Variants in VAV3 observed in about 807,000 individuals in gnomAD.
The protein encoded by VAV3 is guanine nucleotide exchange factor VAV3.
In VAV3, 94 loss-of-function variants were observed where a neutral mutation model predicts 131.2. The observed-to-expected ratio is 0.72, with a 90% CI of 0.61 to 0.85. VAV3 has a LOEUF of 0.85. Ranked by LOEUF, VAV3 falls within the 40% of genes least tolerant of loss-of-function variation. The pLI, the probability that VAV3 is intolerant of heterozygous loss-of-function variation, is 0.00. For synonymous variants in VAV3, 349 were observed against 342.0 expected (o/e 1.02, Z -0.22); for missense variants, 939 against 1,002.7 (o/e 0.94, Z 0.86).
At chr1:107,692,343 C>A (rs556436442) in intron 17 of VAV3, among the ~76,000 whole-genome samples, 30 of 152,164 alleles carry the variant, frequency 2.0e-4, no homozygotes, top group Admixed American at 2.6e-4. Flanking sequence ...AGGAATACAA[C>A]CATATAATAG....
At chr1:107,761,384 C>A (rs1664412438) in intron 9 of VAV3, among the ~76,000 whole-genome samples, 2 of 128,654 alleles carry the variant, frequency 1.6e-5, no homozygotes, top group African/African-American at 3.0e-5. Context: ...CAGAGTGAGA[C>A]TCCGTCTCAA....
At chr1:107,930,767 C>T (rs1673394459) in intron 1 of VAV3, among the ~76,000 whole-genome samples, 1 of 152,156 alleles carries the variant, frequency 6.6e-6, no homozygotes, top group Admixed American at 6.5e-5. Flanking sequence ...ACCCACCGAT[C>T]AATCTTAGCA....
intron 21 of VAV3, among the ~76,000 whole-genome samples, chr1:107,614,809 C>T (rs1653019408): frequency 6.6e-6 from 1 of 152,086 alleles, no homozygotes; most frequent in South Asian, 2.1e-4. Context: ...TAAAACAAAA[C>T]TTCAAGTGCT....
At chr1:107,749,402 A>G in intron 14 of VAV3, 60 bp downstream of exon 14, 1 of 1,510,196 alleles carries the variant, frequency 6.6e-7, no homozygotes, top group Non-Finnish European at 8.9e-7. Context: ...GTATTATCAT[A>G]CTTTTCCTTA....
At chr1:107,864,613 A>G (rs1448304535) in intron 2 of VAV3, among the ~76,000 whole-genome samples, 2 of 152,166 alleles carry the variant, frequency 1.3e-5, no homozygotes, top group Non-Finnish European at 2.9e-5. Context: ...TGGAGGGTGA[A>G]ACCCTGTCTC....
chr1:107,878,520 T>C (rs1050286697), intron 1 of VAV3, among the ~76,000 whole-genome samples: 1 of 152,202 alleles, frequency 6.6e-6, no homozygotes, highest in South Asian at 2.1e-4. Context: ...AAATTCTGCA[T>C]TTGTTTGGTT....
In VAV3 at chr1:107,681,867, A is replaced by G. The variant is rs192786530; in HGVS notation, c.1777+1621T>C. The stretch of plus-strand genomic sequence containing the variant: ...AGTAGAGATGGGGTTTCACCGTGTT[A>G]GCCAGGATGGTCTCCATCTCCTGAC... On this transcript the variant is annotated intron_variant, in intron 19 of 26. Coordinates refer to ENST00000370056, the MANE Select transcript of VAV3 (RefSeq NM_006113.5). Among the ~76,000 whole-genome samples, 967 of 152,072 alleles carry G rather than the reference A, an allele frequency of 6.4e-3. 9 individuals carry two copies. The highest frequency in any genetic ancestry group is 0.041 in the Middle Eastern group (12 of 294).
intron 2 of VAV3, among the ~76,000 whole-genome samples, chr1:107,830,567 C>T (rs1426494223): frequency 2.6e-5 from 4 of 152,120 alleles, no homozygotes; most frequent in South Asian, 4.1e-4. Context: ...CTGCACATAG[C>T]CCCCTCCAGC....
intron 1 of VAV3, among the ~76,000 whole-genome samples, chr1:107,951,578 C>A (rs2101341821): frequency 6.6e-6 from 1 of 152,194 alleles, no homozygotes; most frequent in South Asian, 2.1e-4. Context: ...ATGCATCTGA[C>A]AAAGGCCTAA....
chr1:107,671,241 AT>A (rs1657770473), intron 19 of VAV3, among the ~76,000 whole-genome samples: 1 of 152,208 alleles, frequency 6.6e-6, no homozygotes, highest in African/African-American at 2.4e-5. Context: ...TTGTTGGGGC[AT>A]TTGATATAAG....
intron 19 of VAV3, chr1:107,673,666 G>A (rs146854067): frequency 6.6e-6 from 1 of 152,154 alleles, no homozygotes; most frequent in African/African-American, 2.4e-5. Context: ...CACCAAGTCA[G>A]TATACTTGTC....
intron 2 of VAV3, among the ~76,000 whole-genome samples, chr1:107,787,508 G>A (rs1666072762): frequency 6.6e-6 from 1 of 152,166 alleles, no homozygotes. Flanking sequence ...CTTTAAAAGA[G>A]GTGATCCTAG....
chr1:107,592,301 C>T (rs1651032639), intron 25 of VAV3, among the ~76,000 whole-genome samples: 1 of 152,014 alleles, frequency 6.6e-6, no homozygotes, highest in African/African-American at 2.4e-5. Flanking sequence ...TTTTTGGGGA[C>T]AATAATACCA....
intron 19 of VAV3, among the ~76,000 whole-genome samples, chr1:107,665,650 G>C (rs998095800): frequency 6.6e-6 from 1 of 152,174 alleles, no homozygotes; most frequent in African/African-American, 2.4e-5. Context: ...ACAAGGTCAA[G>C]GGTGGGAGCT....
At chr1:107,949,696 GAATT>G (rs1674441182) in intron 1 of VAV3, among the ~76,000 whole-genome samples, 2 of 152,164 alleles carry the variant, frequency 1.3e-5, no homozygotes, top group African/African-American at 2.4e-5. Flanking sequence ...TAGTGAGGAT[GAATT>G]AATTGCTATA....
At chr1:107,958,216 G>C (rs1468493079) in intron 1 of VAV3, among the ~76,000 whole-genome samples, 1 of 152,170 alleles carries the variant, frequency 6.6e-6, no homozygotes, top group Admixed American at 6.5e-5. Context: ...AATGTTACTA[G>C]GCACACCATT....
chr1:107,850,304 A>G (rs1362743159), intron 2 of VAV3, among the ~76,000 whole-genome samples: 1 of 152,174 alleles, frequency 6.6e-6, no homozygotes, highest in Non-Finnish European at 1.5e-5. Context: ...CACAATAGCA[A>G]AGACTTCAAA....
chr1:107,877,184 A>G (rs1046175687), intron 1 of VAV3, among the ~76,000 whole-genome samples: 3 of 152,196 alleles, frequency 2.0e-5, no homozygotes, highest in Non-Finnish European at 4.4e-5. Flanking sequence ...TAAAAAATTC[A>G]TAAGAGACCT....
intron 1 of VAV3, among the ~76,000 whole-genome samples, chr1:107,916,792 T>G (rs57477480): frequency 0.1 from 15,961 of 152,120 alleles, 1,455 homozygotes; most frequent in African/African-American, 0.25. Context: ...ATGAATGAAT[T>G]AATACGATTC....
Sources: gnomAD v4.1 joint callset for allele counts (sites outside exome capture counted in the v4.1 genomes callset) on GRCh38, gnomAD v4.1.1 for gene constraint, MANE v1.5 for transcripts, NCBI Gene and HGNC (gene_info 2026-07-23, HGNC 2026-07-21) for gene names.